The following HOXA4 variants were observed in gnomAD, a reference collection of about 807,000 sequenced individuals.
The protein encoded by HOXA4 is homeobox A4.
HOXA4 carries 31 observed loss-of-function variants against 25.3 expected under a neutral mutation model. The ratio of observed to expected loss-of-function variants is 1.22; its 90% CI spans 0.92 to 1.65. HOXA4 has a LOEUF of 1.65. Ranked by LOEUF, HOXA4 falls within the 40% of genes most tolerant of loss-of-function variation. The pLI is 0.00. For synonymous variants in HOXA4, 225 were observed against 207.7 expected (o/e 1.08, Z -0.72); for missense variants, 459 against 446.0 (o/e 1.03, Z -0.26).
rs1243436883 is a variant in HOXA4 at position 27,129,228 on chromosome 7, T to C, written c.960A>G (p.Ile320Met). ...PSTSTPVPSSI is the reference protein window; with the variant it reads ...PSTSTPVPSSM ...ACTGGTTAAGATCTCTAGAAGATTA[T>C]ATGGAGGAGGGAACGGGTGTGGAGG... The change falls in exon 2 of 2, where the codon ATA becomes ATG. Residue 320 changes from isoleucine to methionine, a missense_variant. Transcript: ENST00000360046. The C allele has an allele frequency of 2.0e-6, 3 of 1,487,786 alleles. No homozygotes were observed. The highest frequency in any genetic ancestry group is 2.8e-6 in the Non-Finnish European group (3 of 1,065,828). 92.2% of individuals were successfully genotyped at this position (1,487,786 alleles called of 1,614,324 possible). A position where few individuals can be genotyped will look rare whatever the true frequency, so the allele number is the denominator to read the frequency against.
In HOXA4 at chr7:27,128,900, T is replaced by G; in HGVS notation, c.*325A>C. On this transcript the variant is annotated 3_prime_UTR_variant, in exon 2 of 2. Transcript: ENST00000360046. ...TGCAAGTGTATGTCCCCACTCAGCA[T>G]GGGCTGTCCAGCTAGCTGACTGTAG... is the stretch of plus-strand genomic sequence containing the variant. The G allele has an allele frequency of 2.6e-6, 1 of 383,942 alleles. No individual in the cohort carries two copies. Among genetic ancestry groups the G allele is most frequent in the Non-Finnish European group, 4.8e-6 (1 of 206,214 alleles). The allele number at this position is 383,942 out of a possible 1,614,324, so 23.8% of individuals were successfully genotyped here. A position where few individuals can be genotyped will look rare whatever the true frequency, so the allele number is the denominator to read the frequency against.
chr7:27,129,430 CAG>C lies in HOXA4; in HGVS notation c.756_757del (p.Cys253PhefsTer3). 6.2e-7 allele frequency: 1 copy of C among 1,614,184 alleles called. No homozygotes were observed. The highest frequency in any genetic ancestry group is 8.5e-7 in the Non-Finnish European group (1 of 1,180,038). On this transcript the variant is annotated frameshift_variant, in exon 2 of 2. Transcript: ENST00000360046. LOFTEE classifies it high-confidence loss of function. ...GATCTTGACCTGGCGCTCAGACAAACAGAGCGTGTGGGCGATCTCGATGCGGC... is the reference window on the plus strand; with the variant it reads ...GATCTTGACCTGGCGCTCAGACAAACAGCGTGTGGGCGATCTCGATGCGGC...
Position 27,129,010 on chromosome 7 carries a change from C to T in HOXA4, c.*215G>A. 1.7e-6 allele frequency: 1 copy of T among 605,636 alleles called. No homozygotes were observed. The highest frequency in any genetic ancestry group is 2.9e-6 in the Non-Finnish European group (1 of 339,392). 37.5% of individuals were successfully genotyped at this position (605,636 alleles called of 1,614,324 possible). Reference sequence around the variant, plus strand: ...TGTTTCGGGCCAGCAGGTTGTTCCACCAGCCAGCATCCTGGACAACTGTTC... The same window carrying T: ...TGTTTCGGGCCAGCAGGTTGTTCCATCAGCCAGCATCCTGGACAACTGTTC... On this transcript the variant is annotated 3_prime_UTR_variant, in exon 2 of 2. Transcript: ENST00000360046.
chr7:27,129,475 C>A lies in HOXA4; in HGVS notation c.713G>T (p.Arg238Leu). 3.1e-6 allele frequency: 5 copies of A among 1,614,094 alleles called. No homozygotes were observed. Among genetic ancestry groups the A allele is most frequent in the Non-Finnish European group, 4.2e-6 (5 of 1,180,002 alleles). The change falls in exon 2 of 2, where the codon CGA (arginine) becomes CTA (leucine). Residue 238 changes from arginine to leucine, a missense_variant. Physicochemically the swap from Arg to Leu is moderately radical, Grantham distance 102 (BLOSUM62 -2). Transcript: ENST00000360046. ...LELEKEFHFN[R>L]YLTRRRRIEI... is the part of the protein sequence containing the mutation. Reference sequence around the variant, plus strand: ...GATGCGGCGCCGCCGGGTCAGGTATCGATTGAAGTGGAACTCCTTCTCCAG... The same window carrying A: ...GATGCGGCGCCGCCGGGTCAGGTATAGATTGAAGTGGAACTCCTTCTCCAG...
At position 27,129,188 on chromosome 7, in the gene HOXA4, AG is replaced by A. The variant is rs919099044; in HGVS notation, c.*36del. The A allele has an allele frequency of 1.7e-6, 2 of 1,177,390 alleles. No homozygotes were observed. Among genetic ancestry groups the A allele is most frequent in the African/African-American group, 1.5e-5 (1 of 66,470 alleles). The allele number at this position is 1,177,390 out of a possible 1,614,324, so 72.9% of individuals were successfully genotyped here. ...GAGCAGGAGAAGAGAAGAGAAAAGCAGGTAAGGGATAGAAACTGGTTAAGAT... is the reference window on the plus strand; with the variant it reads ...GAGCAGGAGAAGAGAAGAGAAAAGCAGTAAGGGATAGAAACTGGTTAAGAT... On this transcript the variant is annotated 3_prime_UTR_variant, in exon 2 of 2. Transcript: ENST00000360046.
rs1562723019 is a variant in HOXA4, at chr7:27,130,525, GT to G, written c.208del (p.Thr70LeufsTer118). The G allele has an allele frequency of 2.2e-6, 3 of 1,351,418 alleles. No homozygotes were observed. The highest frequency in any genetic ancestry group is 1.9e-6 in the Non-Finnish European group (2 of 1,048,492). 83.7% of individuals were successfully genotyped at this position (1,351,418 alleles called of 1,614,324 possible). Reference sequence around the variant, plus strand: ...GGTCCGCGGCGCGTAGTAGGAGGCAGTGGGCTCTCGGCCGCCGCCCGCGTGA... The same window carrying G: ...GGTCCGCGGCGCGTAGTAGGAGGCAGGGGCTCTCGGCCGCCGCCCGCGTGA... ...LPHAGGGREPTASYYAPRTAR... is the reference protein window; with the variant it reads ...LPHAGGGREPXASYYAPRTAR... On this transcript the variant is annotated frameshift_variant, in exon 1 of 2. Transcript: ENST00000360046. LOFTEE classifies it high-confidence loss of function.
chr7:27,130,683 G>A lies in HOXA4; in HGVS notation c.51C>T (p.Phe17=). The stretch of plus-strand genomic sequence containing the variant: ...GCTGCGCGTACTCCTCGAAGGGAGG[G>A]AACTTGGGCTCGATGTAGTTGGAGT... ...LINSNYIEPK[F]PPFEEYAQHS... The change falls in exon 1 of 2, where the codon TTC becomes TTT. Residue 17 remains phenylalanine (F), a synonymous_variant. Transcript: ENST00000360046. 6.2e-7 allele frequency: 1 copy of A among 1,608,654 alleles called. No homozygotes were observed. Among genetic ancestry groups the A allele is most frequent in the Non-Finnish European group, 8.5e-7 (1 of 1,177,396 alleles).
At position 27,130,511 on chromosome 7, in the gene HOXA4, C is replaced by T; in HGVS notation, c.223G>A (p.Ala75Thr). The T allele has an allele frequency of 7.6e-7, 1 of 1,315,524 alleles. No homozygotes were observed. The highest frequency in any genetic ancestry group is 9.7e-7 in the Non-Finnish European group (1 of 1,032,148). The allele number at this position is 1,315,524 out of a possible 1,614,324, so 81.5% of individuals were successfully genotyped here. ...GCGGGCTCGCGGGCGGTCCGCGGCG[C>T]GTAGTAGGAGGCAGTGGGCTCTCGG... ...GGREPTASYYAPRTAREPAYP... is the reference protein window; with the variant it reads ...GGREPTASYYTPRTAREPAYP... Residue 75 changes from alanine to threonine, a missense_variant, in exon 1 of 2, where the codon GCG becomes ACG. Transcript: ENST00000360046.
chr7:27,129,138 G>C lies in HOXA4; in HGVS notation c.*87C>G. ...TTGTTTTGGTGTCTATTATGGTCCA[G>C]ATGGGGAGGGGTGGATGAGGAACGG... On this transcript the variant is annotated 3_prime_UTR_variant, in exon 2 of 2. Coordinates refer to ENST00000360046, the MANE Select transcript of HOXA4 (RefSeq NM_002141.5). 1.2e-6 allele frequency: 1 copy of C among 853,680 alleles called. No individual in the cohort carries two copies. The highest frequency in any genetic ancestry group is 1.7e-5 in the African/African-American group (1 of 60,476). The allele number at this position is 853,680 out of a possible 1,614,324, so 52.9% of individuals were successfully genotyped here.
At position 27,130,647 on chromosome 7, in the gene HOXA4, C is replaced by T. The variant is rs771504683; in HGVS notation, c.87G>A (p.Ser29=). 2 of 1,598,674 alleles carry T rather than the reference C, an allele frequency of 1.3e-6. No individual in the cohort carries two copies. The highest frequency in any genetic ancestry group is 1.7e-6 in the Non-Finnish European group (2 of 1,172,406). Reference sequence around the variant, plus strand: ...CGCCCGGGCCGCCGTCTGCGCCGCCCGAGCCGCTGTGCTGCGCGTACTCCT... The same window carrying T: ...CGCCCGGGCCGCCGTCTGCGCCGCCTGAGCCGCTGTGCTGCGCGTACTCCT... ...PFEEYAQHSG[S]GGADGGPGGG... is the part of the protein sequence containing the mutation. Residue 29 remains serine (S), a synonymous_variant, in exon 1 of 2, where the codon TCG becomes TCA. Transcript: ENST00000360046.
rs776144758 is a variant in HOXA4, at chr7:27,129,301, T to C, written c.887A>G (p.Lys296Arg). 126 of 1,613,840 alleles carry C rather than the reference T, an allele frequency of 7.8e-5. No individual in the cohort carries two copies. Among genetic ancestry groups the C allele is most frequent in the Non-Finnish European group, 1.0e-4 (122 of 1,180,002 alleles). The change falls in exon 2 of 2, where the codon AAA becomes AGA. Residue 296 changes from lysine to arginine, a missense_variant. Transcript: ENST00000360046. ...GAGGTGTGGGCTCTGAGTTTGTGCT[T>C]TCCCTGGTGGGCCGGCAGAGGCCGA... ...SASASAGPPG[K>R]AQTQSPHLHP...
rs760755458 is a variant in HOXA4, at chr7:27,129,208, T to G, written c.*17A>C. ...AAAGCAGGTAAGGGATAGAAACTGG[T>G]TAAGATCTCTAGAAGATTATATGGA... On this transcript the variant is annotated 3_prime_UTR_variant, in exon 2 of 2. Coordinates refer to ENST00000360046, the MANE Select transcript of HOXA4 (RefSeq NM_002141.5). The G allele has an allele frequency of 1.0e-4, 143 of 1,397,466 alleles. 3 individuals carry two copies. In the South Asian group the frequency reaches 1.3e-3, roughly 13 times the overall value. 86.6% of individuals were successfully genotyped at this position (1,397,466 alleles called of 1,614,324 possible). A position where few individuals can be genotyped will look rare whatever the true frequency, so the allele number is the denominator to read the frequency against.
chr7:27,129,678 CA>C, intron 1 of HOXA4, 107 bp from the exon 2 acceptor site: 1 of 1,203,610 alleles, frequency 8.3e-7, no homozygotes, highest in Non-Finnish European at 1.2e-6. Context: ...TGGACATCAT[CA>C]TTATATAATA....
chr7:27,129,420 C>A lies in HOXA4; in HGVS notation c.768G>T (p.Glu256Asp). ...IEIAHTLCLSERQVKIWFQNR... is the reference protein window; with the variant it reads ...IEIAHTLCLSDRQVKIWFQNR... ...TCTGAAACCAGATCTTGACCTGGCG[C>A]TCAGACAAACAGAGCGTGTGGGCGA... Residue 256 changes from glutamate to aspartate, a missense_variant, in exon 2 of 2, where the codon GAG (glutamate) becomes GAT (aspartate). By Grantham distance (45) the Glu-to-Asp change is conservative (BLOSUM62 2). Coordinates refer to ENST00000360046, the MANE Select transcript of HOXA4 (RefSeq NM_002141.5). 2 of 1,614,162 alleles carry A rather than the reference C, an allele frequency of 1.2e-6. No homozygotes were observed. The highest frequency in any genetic ancestry group is 8.5e-7 in the Non-Finnish European group (1 of 1,180,048).
At position 27,129,347 on chromosome 7, in the gene HOXA4, T is replaced by A. The variant is rs375220000; in HGVS notation, c.841A>T (p.Met281Leu). The stretch of plus-strand genomic sequence containing the variant: ...GCCGAGGCCGAATTGGAGGATCGCA[T>A]CTTGGTGTTGGGCAGTTTGTGGTCT... ...KKDHKLPNTK[M>L]RSSNSASASA... Residue 281 changes from methionine (M) to leucine (L), a missense_variant, in exon 2 of 2, where the codon ATG becomes TTG. Physicochemically the swap from Met to Leu is conservative, Grantham distance 15. Transcript: ENST00000360046. 6.2e-7 allele frequency: 1 copy of A among 1,614,012 alleles called. No homozygotes were observed. The highest frequency in any genetic ancestry group is 1.3e-5 in the African/African-American group (1 of 74,892).
chr7:27,130,195 G>T lies in HOXA4; in HGVS notation c.539C>A (p.Ala180Asp). Residue 180 changes from alanine to aspartate, a missense_variant, in exon 1 of 2, where the codon GCC (alanine) becomes GAC (aspartate). Physicochemically the swap from Ala to Asp is moderately radical, Grantham distance 126. Coordinates refer to ENST00000360046, the MANE Select transcript of HOXA4 (RefSeq NM_002141.5). ...CTTCAGGCCCAGCGGGCTCTTGTCGGCCAAGAGCAGCGGGCACGCGGGGGC... is the reference window on the plus strand; with the variant it reads ...CTTCAGGCCCAGCGGGCTCTTGTCGTCCAAGAGCAGCGGGCACGCGGGGGC... ...GSAPACPLLL[A>D]DKSPLGLKGK... The T allele has an allele frequency of 6.4e-7, 1 of 1,572,422 alleles. No individual in the cohort carries two copies. The highest frequency in any genetic ancestry group is 1.1e-5 in the South Asian group (1 of 87,994).
At chr7:27,129,883 C>T in intron 1 of HOXA4, 1 of 608,688 alleles carries the variant, frequency 1.6e-6, no homozygotes. Flanking sequence ...ACTGCCCTAA[C>T]AGTTTGGCGT....
intron 1 of HOXA4, 60 bp downstream of exon 1, chr7:27,130,058 C>T: frequency 6.6e-7 from 1 of 1,520,104 alleles, no homozygotes; most frequent in Middle Eastern, 1.7e-4. Flanking sequence ...CTGACCCCGA[C>T]CCTCGAACCC....
chr7:27,130,387 GGCTGGGGCGGCCGC>G lies in HOXA4; in HGVS notation c.333_346del (p.Pro113AlafsTer90). The G allele has an allele frequency of 8.7e-7, 1 of 1,154,396 alleles. No homozygotes were observed. Among genetic ancestry groups the G allele is most frequent in the Non-Finnish European group, 1.1e-6 (1 of 939,138 alleles). 71.5% of individuals were successfully genotyped at this position (1,154,396 alleles called of 1,614,324 possible). Reference sequence around the variant, plus strand: ...CTTGGCTTGCGCCGGGGGCTGCTCGGGCTGGGGCGGCCGCCCGGGGCTGGCGCCGCCGCGGTAGC... The same window carrying G: ...CTTGGCTTGCGCCGGGGGCTGCTCGGCCGGGGCTGGCGCCGCCGCGGTAGC... On this transcript the variant is annotated frameshift_variant, in exon 1 of 2. Coordinates refer to ENST00000360046, the MANE Select transcript of HOXA4 (RefSeq NM_002141.5). LOFTEE classifies it high-confidence loss of function.
Sources: allele counts gnomAD v4.1 joint callset, GRCh38; gene constraint gnomAD v4.1.1; transcripts MANE v1.5; gene names NCBI Gene and HGNC (gene_info 2026-07-23, HGNC 2026-07-21).